PAH: variants seen among roughly 807,000 people sequenced by gnomAD.
PAH encodes the protein phenylalanine hydroxylase, also known as phenylalanine-4-hydroxylase.
In PAH, 64 loss-of-function variants were observed where a neutral mutation model predicts 62.0. That is an observed-to-expected ratio of 1.03 (90% CI 0.84 to 1.27). The LOEUF is 1.27. Among genes scored for constraint, PAH ranks in the 50% most tolerant of loss-of-function variants. The pLI is 0.00. For missense variants in PAH, 579 were observed against 542.8 expected (o/e 1.07, Z -0.66); for synonymous variants, 195 against 196.2 (o/e 0.99, Z 0.05).
At chr12:102,864,098 A>G (rs1498694) in intron 5 of PAH, among the ~76,000 whole-genome samples, 92,990 of 151,948 alleles carry the variant, frequency 0.61, 29,324 homozygotes, top group African/African-American at 0.68. Context: ...TTTCTAGTAG[A>G]GGCAGACAGA....
intron 1 of PAH, among the ~76,000 whole-genome samples, chr12:102,946,377 C>T (rs576343655): frequency 5.3e-5 from 8 of 152,344 alleles, no homozygotes; most frequent in Admixed American, 2.0e-4. Flanking sequence ...TTTTGAGTTT[C>T]TTTAGTACCC....
chr12:102,845,053 A>G (rs1338112450), intron 9 of PAH, among the ~76,000 whole-genome samples: 1 of 152,068 alleles, frequency 6.6e-6, no homozygotes, highest in East Asian at 1.9e-4. Context: ...ATCTTTGACT[A>G]GTACACACCT....
intron 4 of PAH, chr12:102,877,174 T>A: frequency 4.4e-6 from 2 of 456,096 alleles, no homozygotes; most frequent in South Asian, 4.1e-5. Flanking sequence ...GCAGAAACAA[T>A]GATGATTTGC....
At chr12:102,883,110 G>A (rs191810573) in intron 3 of PAH, among the ~76,000 whole-genome samples, 41 of 152,198 alleles carry the variant, frequency 2.7e-4, no homozygotes, top group Admixed American at 1.7e-3. Flanking sequence ...TAGATTTATC[G>A]GCGCAGCAAA....
intron 5 of PAH, 91 bp from the exon 6 acceptor site, chr12:102,855,423 C>T: frequency 1.1e-6 from 1 of 932,722 alleles, no homozygotes; most frequent in East Asian, 2.5e-5. Flanking sequence ...GGGACCAGAA[C>T]CTGTGAGCTG....
In PAH at chr12:102,872,292, C is replaced by T. The variant is rs1334001198; in HGVS notation, c.441+5170G>A. ...GACCTTATTCTGGCTTTCTATTTTCCGATGACCACGTGTACTTTCGTCTCT... is the reference window on the plus strand; with the variant it reads ...GACCTTATTCTGGCTTTCTATTTTCTGATGACCACGTGTACTTTCGTCTCT... On this transcript the variant is annotated intron_variant, in intron 4 of 12. Transcript: ENST00000553106. Among the ~76,000 whole-genome samples the T allele has an allele frequency of 3.9e-5, 6 of 152,192 alleles. No individual in the cohort carries two copies. The South Asian group carries it at 6.2e-4, about 16-fold the overall frequency.
At position 102,939,878 on chromosome 12, in the gene PAH, G is replaced by T. The variant is rs116318593; in HGVS notation, c.-96+10711C>A. On this transcript the variant is annotated intron_variant, in intron 1 of 3. Transcript: ENST00000546844. ...GCTTGCCCCAGGGCTGCAGTGTGCA[G>T]CCTGGGAGTGCCAAGCCAAGATCTG... Among the ~76,000 whole-genome samples, 676 of 152,312 alleles carry T rather than the reference G, an allele frequency of 4.4e-3. 8 individuals are homozygous for T. The highest frequency in any genetic ancestry group is 0.015 in the African/African-American group (635 of 41,574).
chr12:102,954,384 C>T (rs1395134363), upstream of PAH, among the ~76,000 whole-genome samples: 1 of 152,206 alleles, frequency 6.6e-6, no homozygotes, highest in Non-Finnish European at 1.5e-5. Flanking sequence ...TGCTGAGGCT[C>T]CTCCTGCCAC....
chr12:102,928,375 C>A (rs1462672550), intron 1 of PAH, among the ~76,000 whole-genome samples: 1 of 152,096 alleles, frequency 6.6e-6, no homozygotes, highest in Non-Finnish European at 1.5e-5. Context: ...TTTTAGTATT[C>A]TCATTGTGTG....
In PAH at chr12:102,912,117, T is replaced by C. The variant is rs371511002; in HGVS notation, c.168+674A>G. 5.8e-4 allele frequency among the ~76,000 whole-genome samples: 89 copies of C among 152,334 alleles called. 1 individual carries two copies. In the South Asian group the frequency reaches 0.018, roughly 31 times the overall value. ...GTAAGTTTGGAAAATAATACATACATTTCTCTCTGTAAACAACTTAGTATA... is the reference window on the plus strand; with the variant it reads ...GTAAGTTTGGAAAATAATACATACACTTCTCTCTGTAAACAACTTAGTATA... On this transcript the variant is annotated intron_variant, in intron 2 of 12. Transcript: ENST00000553106.
At chr12:102,840,189 C>T (rs988689829) in intron 12 of PAH, among the ~76,000 whole-genome samples, 2 of 152,084 alleles carry the variant, frequency 1.3e-5, no homozygotes, top group African/African-American at 4.8e-5. Flanking sequence ...GGAGTGGAAT[C>T]TAGGAAGGTC....
intron 2 of PAH, among the ~76,000 whole-genome samples, chr12:102,901,789 C>T (rs966828749): frequency 2.6e-5 from 4 of 152,098 alleles, no homozygotes; most frequent in African/African-American, 9.7e-5. Context: ...ACAAAAAATG[C>T]CCTAAATCAC....
intron 5 of PAH, among the ~76,000 whole-genome samples, chr12:102,859,738 A>G (rs1243871198): frequency 6.6e-6 from 1 of 152,230 alleles, no homozygotes; most frequent in African/African-American, 2.4e-5. Context: ...GATTATCTCA[A>G]TAGATGCAGA....
chr12:102,878,639 G>A (rs560401969), intron 3 of PAH, among the ~76,000 whole-genome samples: 1 of 151,216 alleles, frequency 6.6e-6, no homozygotes, highest in East Asian at 1.9e-4. Context: ...GAAGGAAGAG[G>A]GAAGAGAGGG....
chr12:102,934,956 G>A (rs1486516029), intron 1 of PAH, among the ~76,000 whole-genome samples: 1 of 151,748 alleles, frequency 6.6e-6, no homozygotes, highest in Non-Finnish European at 1.5e-5. Flanking sequence ...GTTAAAGTAG[G>A]CATCCTTGTT....
At position 102,933,776 on chromosome 12, in the gene PAH, C is replaced by T. The variant is rs115469969; in HGVS notation, c.-95-16551G>A. On this transcript the variant is annotated intron_variant, in intron 1 of 3. Coordinates refer to the PAH transcript ENST00000546844. ...CAATGCTTATTCAGATTTTTTTGCCCATTTTTCAATTGGATTATTAGAATT... is the reference window on the plus strand; with the variant it reads ...CAATGCTTATTCAGATTTTTTTGCCTATTTTTCAATTGGATTATTAGAATT... Among the ~76,000 whole-genome samples the T allele has an allele frequency of 7.8e-3, 1,180 of 152,070 alleles. 23 individuals carry two copies. Among genetic ancestry groups the T allele is most frequent in the African/African-American group, 0.027 (1,130 of 41,508 alleles).
At chr12:102,874,631 C>G (rs1031635254) in intron 4 of PAH, among the ~76,000 whole-genome samples, 1 of 152,048 alleles carries the variant, frequency 6.6e-6, no homozygotes, top group African/African-American at 2.4e-5. Context: ...CTCCTAATAT[C>G]ATTAGTTAAC....
intron 2 of PAH, among the ~76,000 whole-genome samples, chr12:102,909,324 T>C (rs377751357): frequency 5.9e-5 from 9 of 152,324 alleles, no homozygotes; most frequent in African/African-American, 1.4e-4. Context: ...ACAGGGGTAA[T>C]GTGCCATTTT....
At chr12:102,944,304 C>T (rs34920394) in intron 1 of PAH, among the ~76,000 whole-genome samples, 152 of 152,208 alleles carry the variant, frequency 1.0e-3, no homozygotes, top group African/African-American at 3.6e-3. Flanking sequence ...TGATATTGTT[C>T]TTTAGGTTCA....
Sources: allele counts gnomAD v4.1 joint callset (sites outside exome capture counted in the v4.1 genomes callset), GRCh38; gene constraint gnomAD v4.1.1; transcripts MANE v1.5; gene names NCBI Gene and HGNC (gene_info 2026-07-23, HGNC 2026-07-21).